The following TIMELESS variants were observed in gnomAD, a reference collection of about 807,000 sequenced individuals.
TIMELESS encodes the protein timeless circadian regulator, also known as protein timeless homolog.
In TIMELESS, 124 loss-of-function variants were observed where a neutral mutation model predicts 164.3. The ratio of observed to expected loss-of-function variants is 0.75; its 90% confidence interval spans 0.65 to 0.88. The LOEUF is 0.88. Among genes scored for constraint, TIMELESS ranks in the 40% least tolerant of loss-of-function variants. TIMELESS has a pLI of 0.00. For synonymous variants in TIMELESS, 564 were observed against 563.4 expected (o/e 1.00, Z -0.02); for missense variants, 1,422 against 1,491.4 (o/e 0.95, Z 0.77).
Position 56,421,436 on chromosome 12 carries a change from A to G in TIMELESS, c.2783T>C (p.Val928Ala), listed in dbSNP as rs764481169. 2 of 1,614,066 alleles carry G rather than the reference A, an allele frequency of 1.2e-6. No individual in the cohort carries two copies. Among genetic ancestry groups the G allele is most frequent in the Admixed American group, 3.3e-5 (2 of 60,002 alleles). ...CAGCCCCAGAGCCAAGAGTTTATCC[A>G]CTATTCGGGCCCGTGAGCGTTTGGC... is the stretch of plus-strand genomic sequence containing the variant. ...ITAKRSRARI[V>A]DKLLALGLVA... is the part of the protein sequence containing the mutation. Residue 928 changes from valine to alanine, a missense_variant, in exon 23 of 29, where the codon GTG (valine) becomes GCG (alanine). By Grantham distance (64) the Val-to-Ala change is moderately conservative. Transcript: ENST00000553532.
intron 1 of TIMELESS, among the ~76,000 whole-genome samples, chr12:56,445,110 G>A (rs1360960999): frequency 6.6e-6 from 1 of 151,924 alleles, no homozygotes; most frequent in East Asian, 1.9e-4. Context: ...CAGTGAAGAA[G>A]GCTAAGAGTT....
At chr12:56,428,744 G>C (rs1205728951) in intron 11 of TIMELESS, 92 bp from the exon 12 acceptor site, 2 of 1,446,624 alleles carry the variant, frequency 1.4e-6, no homozygotes, top group African/African-American at 2.8e-5. Flanking sequence ...AAAAAAATGT[G>C]CCACCCAAAC....
At chr12:56,427,552 CAG>C (rs1049071349) in intron 13 of TIMELESS, among the ~76,000 whole-genome samples, 3 of 152,122 alleles carry the variant, frequency 2.0e-5, no homozygotes, top group Non-Finnish European at 4.4e-5. Flanking sequence ...GACTAGATTC[CAG>C]ACTTTCTAAA....
At position 56,424,737 on chromosome 12, in the gene TIMELESS, G is replaced by T. The variant is rs1336107230; in HGVS notation, c.1868+25C>A. Reference sequence around the variant, plus strand: ...GCCTCCTCCTTCCCCCAAAGCCCAAGAGGATGAGCAGGCAGGGTTCTTACC... The same window carrying T: ...GCCTCCTCCTTCCCCCAAAGCCCAATAGGATGAGCAGGCAGGGTTCTTACC... On this transcript the variant is annotated intron_variant, in intron 15 of 28. Transcript: ENST00000553532. 6 of 1,609,412 alleles carry T rather than the reference G, an allele frequency of 3.7e-6. No individual in the cohort carries two copies. In the South Asian group the frequency reaches 4.4e-5, roughly 12 times the overall value.
chr12:56,432,060 C>T (rs2136143964), intron 7 of TIMELESS, among the ~76,000 whole-genome samples: 1 of 152,186 alleles, frequency 6.6e-6, no homozygotes, highest in Non-Finnish European at 1.5e-5. Flanking sequence ...TGATTCACAT[C>T]TTGTTTAGGA....
intron 6 of TIMELESS, among the ~76,000 whole-genome samples, chr12:56,432,772 GTC>G (rs1280218993): frequency 7.2e-6 from 1 of 138,824 alleles, no homozygotes; most frequent in Non-Finnish European, 1.5e-5. Context: ...GTGAAACCCT[GTC>G]TCTACTAAAA....
chr12:56,444,565 T>A, intron 1 of TIMELESS, among the ~76,000 whole-genome samples: 1 of 152,090 alleles, frequency 6.6e-6, no homozygotes, highest in East Asian at 1.9e-4. Context: ...TCTGTTTTTT[T>A]CTTTTGAGGC....
At chr12:56,435,958 T>TA (rs58281917) in intron 1 of TIMELESS, among the ~76,000 whole-genome samples, 44,852 of 137,538 alleles carry the variant, frequency 0.33, 9,090 homozygotes, top group East Asian at 0.63. Context: ...GACTCCGTCT[T>TA]AAAAAAAAAA....
Position 56,430,288 on chromosome 12 carries a change from G to A in TIMELESS, c.910-7C>T. 6.2e-7 allele frequency: 1 copy of A among 1,611,222 alleles called. No individual in the cohort carries two copies. Among genetic ancestry groups the A allele is most frequent in the South Asian group, 1.1e-5 (1 of 90,700 alleles). On this transcript the variant is annotated splice_region_variant and splice_polypyrimidine_tract_variant and intron_variant, in intron 9 of 28. Transcript: ENST00000553532. ...CTGAACTGTAGTTTCGTAGCTGGGT[G>A]TGTCGGTTGGGGGATTAGAATTACT... is the stretch of plus-strand genomic sequence containing the variant.
In TIMELESS at chr12:56,433,423, A is replaced by G; in HGVS notation, c.387T>C (p.Ala129=). 1 of 1,614,218 alleles carries G rather than the reference A, an allele frequency of 6.2e-7. No homozygotes were observed. The change falls in exon 5 of 29, where the codon GCT becomes GCC. Residue 129 remains alanine (A), a synonymous_variant. Coordinates refer to ENST00000553532, the MANE Select transcript of TIMELESS (RefSeq NM_003920.5). ...AYKEAFASEK[A]FGVLSETLYE... is the part of the protein sequence containing the mutation. Reference sequence around the variant, plus strand: ...ACAAGGTTTCACTGAGGACTCCAAAAGCCTTCTCACTGGCAAAGGCCTGTG... The same window carrying G: ...ACAAGGTTTCACTGAGGACTCCAAAGGCCTTCTCACTGGCAAAGGCCTGTG...
intron 1 of TIMELESS, among the ~76,000 whole-genome samples, chr12:56,448,175 G>A (rs147691237): frequency 1.4e-3 from 215 of 152,316 alleles, no homozygotes; most frequent in African/African-American, 4.8e-3. Context: ...GGAGGCCGAC[G>A]CGGGCGGATC....
chr12:56,425,222 A>C (rs1366110057), intron 13 of TIMELESS, 70 bp from the exon 14 acceptor site: 2 of 1,494,116 alleles, frequency 1.3e-6, no homozygotes, highest in African/African-American at 1.4e-5. Context: ...TGTCTTTTCT[A>C]TTACAAAACT....
rs780935452 is a variant in TIMELESS, at chr12:56,421,921, C to T, written c.2620G>A (p.Asp874Asn). 2.5e-6 allele frequency: 4 copies of T among 1,614,036 alleles called. No individual in the cohort carries two copies. Among genetic ancestry groups the T allele is most frequent in the Non-Finnish European group, 2.5e-6 (3 of 1,180,040 alleles). Residue 874 changes from aspartate to asparagine, a missense_variant, in exon 21 of 29, where the codon GAC (aspartate) becomes AAC (asparagine). Physicochemically the swap from Asp to Asn is conservative, Grantham distance 23 (BLOSUM62 1). Transcript: ENST00000553532. ...TACCTTTGGAAGTCCTTGACACTGTCAGCCAGTCCCATCTGTACCAGATGG... is the reference window on the plus strand; with the variant it reads ...TACCTTTGGAAGTCCTTGACACTGTTAGCCAGTCCCATCTGTACCAGATGG... ...IHHLVQMGLA[D>N]SVKDFQRKGT...
At chr12:56,421,602 T>G in intron 22 of TIMELESS, 109 bp from the exon 23 acceptor site, 1 of 1,524,212 alleles carries the variant, frequency 6.6e-7, no homozygotes, top group Non-Finnish European at 9.0e-7. Context: ...AAAATGACAC[T>G]TACAAATATA....
rs1203675341 is a variant in TIMELESS, at chr12:56,421,246, C to G, written c.2868+105G>C. Reference sequence around the variant, plus strand: ...CCCCGCGCCTGCTCTCTCGGAAGGACCTGGTCAGAACAGCCTCAGGCAGGA... The same window carrying G: ...CCCCGCGCCTGCTCTCTCGGAAGGAGCTGGTCAGAACAGCCTCAGGCAGGA... On this transcript the variant is annotated intron_variant, in intron 23 of 28. Transcript: ENST00000553532. The G allele has an allele frequency of 1.9e-6, 3 of 1,583,568 alleles. No homozygotes were observed. The African/African-American group carries it at 4.1e-5, about 21-fold the overall frequency.
intron 15 of TIMELESS, 101 bp downstream of exon 15, chr12:56,424,661 T>C (rs1286208973): frequency 6.9e-7 from 1 of 1,459,096 alleles, no homozygotes; most frequent in Middle Eastern, 2.6e-4. Flanking sequence ...TCCCAGAGCC[T>C]TGATGAGACA....
At chr12:56,440,377 T>A (rs1352883640) in intron 1 of TIMELESS, among the ~76,000 whole-genome samples, 1 of 152,144 alleles carries the variant, frequency 6.6e-6, no homozygotes, top group Non-Finnish European at 1.5e-5. Context: ...GACCTCATGA[T>A]CTGCCCACCT....
rs772082097 is a variant in TIMELESS, at chr12:56,422,176, T to G, written c.2454A>C (p.Arg818Ser). The change falls in exon 20 of 29, where the codon AGA becomes AGC. Residue 818 changes from arginine to serine, a missense_variant. Transcript: ENST00000553532. ...GSLDDRSSSR[R>S]APTWSPEEEA... ...CTTCTTCGGGGCTCCATGTAGGTGC[T>G]CTGCGACTGGAAGACCTGAATGGTG... 6.2e-7 allele frequency: 1 copy of G among 1,614,018 alleles called. No homozygotes were observed. Among genetic ancestry groups the G allele is most frequent in the South Asian group, 1.1e-5 (1 of 91,058 alleles).
At chr12:56,447,611 C>T (rs1224039529) in intron 1 of TIMELESS, among the ~76,000 whole-genome samples, 2 of 152,122 alleles carry the variant, frequency 1.3e-5, no homozygotes, top group Admixed American at 1.3e-4. Flanking sequence ...ACTTGAGTTC[C>T]TTAAGGGTCG....
Sources: allele counts gnomAD v4.1 joint callset (sites outside exome capture counted in the v4.1 genomes callset), GRCh38; gene constraint gnomAD v4.1.1; transcripts MANE v1.5; gene names NCBI Gene and HGNC (gene_info 2026-07-23, HGNC 2026-07-21).